Variants in KAZN observed in about 807,000 individuals in gnomAD.
KAZN encodes the protein kazrin.
A neutral mutation model predicts 87.4 loss-of-function variants in KAZN; 40 were observed. That is an observed-to-expected ratio of 0.46 (90% CI 0.36 to 0.60). The LOEUF is 0.60. Among genes scored for constraint, KAZN ranks in the 20% least tolerant of loss-of-function variants. KAZN has a pLI of 0.00. For missense variants in KAZN, 898 were observed against 1,073.9 expected (o/e 0.84, Z 2.29); for synonymous variants, 466 against 458.3 (o/e 1.02, Z -0.22).
chr1:13,900,035 C>T (rs533503918), intron 1 of KAZN, among the ~76,000 whole-genome samples: 17 of 152,034 alleles, frequency 1.1e-4, no homozygotes, highest in Admixed American at 3.9e-4. Context: ...TTTTATGGGG[C>T]GGCTGTCATC....
Position 15,066,450 on chromosome 1 carries a change from C to A in KAZN, c.1222+697C>A. ...GGGTAAGCTCTGCTCTCTACAAAGA[C>A]TCGCGAGCCGGGCCAAGGGGCCTTG... is the stretch of plus-strand genomic sequence containing the variant. On this transcript the variant is annotated intron_variant, in intron 8 of 14. Coordinates refer to ENST00000376030, the MANE Select transcript of KAZN (RefSeq NM_201628.3). This position sits in a 1 kb window ranked among gnomAD's most constrained non-coding sequence, Gnocchi z 4.3. 1 of 985,312 alleles carries A rather than the reference C, an allele frequency of 1.0e-6. No individual in the cohort carries two copies. The highest frequency in any genetic ancestry group is 1.2e-6 in the Non-Finnish European group (1 of 829,920). The allele number at this position is 985,312 out of a possible 1,614,324, so 61.0% of individuals were successfully genotyped here. A position where few individuals can be genotyped will look rare whatever the true frequency, so the allele number is the denominator to read the frequency against.
intron 1 of KAZN, among the ~76,000 whole-genome samples, chr1:14,683,488 C>G (rs1463269614): frequency 6.6e-6 from 1 of 152,200 alleles, no homozygotes; most frequent in East Asian, 1.9e-4. Context: ...TCTCTCCTTC[C>G]AGCCTCCACT....
At chr1:14,272,659 C>T (rs1463340832) in intron 2 of KAZN, among the ~76,000 whole-genome samples, 1 of 151,990 alleles carries the variant, frequency 6.6e-6, no homozygotes, top group Non-Finnish European at 1.5e-5. Context: ...GAGTTCAAGA[C>T]CAGCCTGGCC....
intron 1 of KAZN, among the ~76,000 whole-genome samples, chr1:14,022,697 G>A (rs1422172667): frequency 6.6e-6 from 1 of 152,020 alleles, no homozygotes; most frequent in East Asian, 1.9e-4. Flanking sequence ...ACACAGAGCT[G>A]TTCTCTTTAC....
chr1:15,094,909 A>G lies in KAZN; in HGVS notation c.1523A>G (p.Tyr508Cys), dbSNP rs757748240. Residue 508 changes from tyrosine (Y) to cysteine (C), a missense_variant, in exon 10 of 15, where the codon TAC becomes TGC. Coordinates refer to ENST00000376030, the MANE Select transcript of KAZN (RefSeq NM_201628.3). The surrounding 1 kb of genome is among the most constrained non-coding windows in gnomAD (Gnocchi z 4.5). ...AAGCTGCGCCTGGCCATCGAGGACT[A>G]CCGTGATGCCGAGGCAGGCCGCAGG... is the stretch of plus-strand genomic sequence containing the variant. ...RRKLRLAIED[Y>C]RDAEAGRSLS... The G allele has an allele frequency of 1.7e-5, 27 of 1,550,124 alleles. No homozygotes were observed. The African/African-American group carries it at 2.9e-4, about 17-fold the overall frequency.
intron 2 of KAZN, among the ~76,000 whole-genome samples, chr1:14,428,375 C>G (rs1665860012): frequency 6.6e-6 from 1 of 152,054 alleles, no homozygotes; most frequent in East Asian, 1.9e-4. Context: ...TCAACCCTTT[C>G]TAGACAGTCC....
chr1:14,660,541 CTTT>C (rs1156503750), intron 1 of KAZN, among the ~76,000 whole-genome samples: 10 of 76,028 alleles, frequency 1.3e-4, no homozygotes, highest in Non-Finnish European at 1.9e-4. Flanking sequence ...CTCTCTCTCT[CTTT>C]TTTTTTTTTT....
chr1:14,196,653 T>C (rs72865731), intron 2 of KAZN, among the ~76,000 whole-genome samples: 2,646 of 152,078 alleles, frequency 0.017, 82 homozygotes, highest in African/African-American at 0.06. Context: ...TTGGGACATA[T>C]GTTTAAGATG....
chr1:14,987,491 C>G (rs541301938), intron 2 of KAZN, among the ~76,000 whole-genome samples: 1 of 151,772 alleles, frequency 6.6e-6, no homozygotes, highest in South Asian at 2.1e-4. Flanking sequence ...AAGACTCCAT[C>G]TCAATTAAAA....
At chr1:14,351,500 C>T (rs775475565) in intron 2 of KAZN, among the ~76,000 whole-genome samples, 29 of 152,024 alleles carry the variant, frequency 1.9e-4, no homozygotes, top group Non-Finnish European at 2.8e-4. Context: ...AGGAGGTTGC[C>T]GTGAGCTGAG....
intron 12 of KAZN, 93 bp from the exon 13 acceptor site, chr1:15,103,930 C>T (rs1641200339): frequency 1.6e-6 from 2 of 1,285,532 alleles, no homozygotes; most frequent in East Asian, 2.5e-5. Context: ...CAAGCCCTTG[C>T]TGTTGGGGAC....
intron 1 of KAZN, among the ~76,000 whole-genome samples, chr1:14,134,996 CACACACAT>C (rs762475586): frequency 0.18 from 11,097 of 60,094 alleles, 499 homozygotes; most frequent in South Asian, 0.29. Context: ...CACACACACA[CACACACAT>C]GTGCACACAT....
At chr1:14,254,369 T>C (rs967912287) in intron 2 of KAZN, among the ~76,000 whole-genome samples, 12 of 152,212 alleles carry the variant, frequency 7.9e-5, no homozygotes, top group African/African-American at 2.9e-4. Flanking sequence ...ATCTCTGGTA[T>C]TTATGACCTG....
chr1:14,095,314 T>C (rs183885485), intron 1 of KAZN, among the ~76,000 whole-genome samples: 1 of 152,156 alleles, frequency 6.6e-6, no homozygotes, highest in South Asian at 2.1e-4. Context: ...TTTAAATAGG[T>C]TTTCTTCTTA....
At chr1:14,971,818 T>C (rs1665082871) in intron 2 of KAZN, among the ~76,000 whole-genome samples, 1 of 151,890 alleles carries the variant, frequency 6.6e-6, no homozygotes, top group Admixed American at 6.6e-5. Context: ...GCATTCTCCG[T>C]CTTCGCTCTG....
intron 2 of KAZN, among the ~76,000 whole-genome samples, chr1:14,198,047 T>C (rs1646564886): frequency 6.6e-6 from 1 of 152,174 alleles, no homozygotes; most frequent in South Asian, 2.1e-4. Flanking sequence ...TAGTAGTTGT[T>C]GTAGTCGTAG....
At chr1:14,532,088 A>G (rs1672236749) in intron 2 of KAZN, among the ~76,000 whole-genome samples, 1 of 152,158 alleles carries the variant, frequency 6.6e-6, no homozygotes, top group South Asian at 2.1e-4. Flanking sequence ...GATTCCAAGA[A>G]AGTGGTGCAA....
chr1:14,471,258 A>C (rs2480059), intron 2 of KAZN, among the ~76,000 whole-genome samples: 1 of 151,650 alleles, frequency 6.6e-6, no homozygotes, highest in Admixed American at 6.6e-5. Flanking sequence ...TTCTTGATTA[A>C]GGATTTGCCT....
chr1:14,320,469 A>G (rs1235793261), intron 2 of KAZN, among the ~76,000 whole-genome samples: 1 of 152,162 alleles, frequency 6.6e-6, no homozygotes, highest in Admixed American at 6.5e-5. Flanking sequence ...AACTGCTTCC[A>G]AATGATCACA....
Sources: gnomAD v4.1 joint callset for allele counts (sites outside exome capture counted in the v4.1 genomes callset) on GRCh38, gnomAD v4.1.1 for gene constraint, Gnocchi (gnomAD v3.1) non-coding constraint, MANE v1.5 for transcripts, NCBI Gene and HGNC (gene_info 2026-07-23, HGNC 2026-07-21) for gene names.